The following CDC42SE2 variants were observed in gnomAD, a reference collection of about 807,000 sequenced individuals.
CDC42SE2 encodes the protein CDC42 small effector 2.
A neutral mutation model predicts 11.5 loss-of-function variants in CDC42SE2; 3 were observed. The observed-to-expected ratio is 0.26, with a 90% confidence interval of 0.12 to 0.67. The LOEUF (loss-of-function observed/expected upper bound fraction) is 0.67, where lower values mean the gene tolerates loss of function less well. CDC42SE2 is among the 30% of genes least tolerant of loss of function. CDC42SE2 has a pLI of 0.80. For missense variants in CDC42SE2, 82 were observed against 106.8 expected, an observed-to-expected ratio of 0.77 and a Z score of 1.02; for synonymous variants, 33 against 34.8, an observed-to-expected ratio of 0.95 and a Z score of 0.18.
At chr5:131,360,737 C>T (rs951648629) in intron 3 of CDC42SE2, among the ~76,000 whole-genome samples, 7 of 152,020 alleles carry the variant, frequency 4.6e-5, no homozygotes, top group Non-Finnish European at 8.8e-5. Flanking sequence ...TTTGTAACAA[C>T]GTAAGAGGAA....
the CDC42SE2 span, among the ~76,000 whole-genome samples, chr5:131,224,811 C>T: frequency 6.6e-5 from 10 of 151,608 alleles, no homozygotes; most frequent in Admixed American, 2.0e-4. Context: ...AAAGGGTGAC[C>T]GCAGCAGATG....
chr5:131,232,753 AAAC>A, the CDC42SE2 span, among the ~76,000 whole-genome samples: 19,974 of 131,614 alleles, frequency 0.15, 1,857 homozygotes, highest in African/African-American at 0.26. Flanking sequence ...AAAAAAAAAA[AAAC>A]AAAACAGAAA....
At chr5:131,215,851 T>A in the CDC42SE2 span, among the ~76,000 whole-genome samples, 1 of 152,268 alleles carries the variant, frequency 6.6e-6, no homozygotes, top group South Asian at 2.1e-4. Flanking sequence ...AAGATTTAAT[T>A]ACTTTCTCAC....
At chr5:131,329,507 C>T (rs1174488046) in intron 2 of CDC42SE2, among the ~76,000 whole-genome samples, 2 of 151,970 alleles carry the variant, frequency 1.3e-5, no homozygotes, top group African/African-American at 2.4e-5. Flanking sequence ...AAGATTTCCT[C>T]GAAGCACATA....
At chr5:131,248,327 A>G (rs1265388965) in intron 1 of CDC42SE2, among the ~76,000 whole-genome samples, 1 of 151,900 alleles carries the variant, frequency 6.6e-6, no homozygotes, top group Non-Finnish European at 1.5e-5. Flanking sequence ...TTTAGTAGAG[A>G]CGGGGTTTCA....
chr5:131,385,717 G>A lies in CDC42SE2; in HGVS notation c.156+73G>A, dbSNP rs989143410. On this transcript the variant is annotated intron_variant, in intron 4 of 4. Coordinates refer to ENST00000505065, the MANE Select transcript of CDC42SE2 (RefSeq NM_001375635.1). Reference sequence around the variant, plus strand: ...TATGAAACCTGTGTGACAGGCACAAGCATTTTTAATAGCATTATGCTAAAT... The same window carrying A: ...TATGAAACCTGTGTGACAGGCACAAACATTTTTAATAGCATTATGCTAAAT... The A allele has an allele frequency of 8.3e-6, 7 of 845,684 alleles. No individual in the cohort carries two copies. The African/African-American group carries it at 1.2e-4, about 14-fold the overall frequency. 52.4% of individuals were successfully genotyped at this position (845,684 alleles called of 1,614,324 possible).
intron 2 of CDC42SE2, among the ~76,000 whole-genome samples, chr5:131,330,737 G>A: frequency 6.6e-6 from 1 of 151,702 alleles, no homozygotes. Flanking sequence ...GCTGGGTGCA[G>A]TGGCTCATTC....
At chr5:131,372,742 G>A in intron 3 of CDC42SE2, among the ~76,000 whole-genome samples, 1 of 151,920 alleles carries the variant, frequency 6.6e-6, no homozygotes, top group South Asian at 2.1e-4. Flanking sequence ...GACAGATCCG[G>A]ATTTGAATTC....
At chr5:131,325,548 A>G (rs1040664261) in intron 2 of CDC42SE2, among the ~76,000 whole-genome samples, 7 of 150,654 alleles carry the variant, frequency 4.6e-5, no homozygotes, top group Non-Finnish European at 1.0e-4. Context: ...TAAACTTCCT[A>G]TTCATTCTGT....
chr5:131,358,099 C>T (rs981454584), intron 2 of CDC42SE2, among the ~76,000 whole-genome samples: 3 of 152,220 alleles, frequency 2.0e-5, no homozygotes, highest in Non-Finnish European at 4.4e-5. Flanking sequence ...GTTGAGCACA[C>T]TTTGCTTGTC....
At chr5:131,312,227 C>T (rs889867515) in intron 1 of CDC42SE2, among the ~76,000 whole-genome samples, 3 of 151,300 alleles carry the variant, frequency 2.0e-5, no homozygotes, top group Non-Finnish European at 4.4e-5. Flanking sequence ...TGTGCCCCTG[C>T]TGGGGGGTGC....
chr5:131,345,056 C>G (rs1191188315), intron 2 of CDC42SE2, among the ~76,000 whole-genome samples: 1 of 152,140 alleles, frequency 6.6e-6, no homozygotes, highest in African/African-American at 2.4e-5. Context: ...GAAACTAGAG[C>G]AGAAAATCTG....
At chr5:131,264,721 A>G (rs1756820280) in intron 1 of CDC42SE2, among the ~76,000 whole-genome samples, 1 of 152,136 alleles carries the variant, frequency 6.6e-6, no homozygotes, top group Non-Finnish European at 1.5e-5. Context: ...GCGGGAGCTG[A>G]GCTACTCTTA....
intron 2 of CDC42SE2, among the ~76,000 whole-genome samples, chr5:131,321,970 C>G (rs1029929593): frequency 1.3e-5 from 2 of 152,184 alleles, no homozygotes; most frequent in Admixed American, 1.3e-4. Context: ...CCTACCTCAG[C>G]CTCCCAAGTA....
At chr5:131,328,677 G>A (rs183026748) in intron 2 of CDC42SE2, among the ~76,000 whole-genome samples, 3 of 152,266 alleles carry the variant, frequency 2.0e-5, no homozygotes, top group African/African-American at 7.2e-5. Flanking sequence ...AAGTTGTTTA[G>A]TGAGTCATCC....
At chr5:131,258,890 C>T (rs1756701401) in intron 2 of CDC42SE2, among the ~76,000 whole-genome samples, 1 of 152,116 alleles carries the variant, frequency 6.6e-6, no homozygotes, top group African/African-American at 2.4e-5. Flanking sequence ...TGAATTTTTC[C>T]ACAGCACTCG....
chr5:131,239,605 T>C, the CDC42SE2 span, among the ~76,000 whole-genome samples: 1 of 152,230 alleles, frequency 6.6e-6, no homozygotes, highest in Non-Finnish European at 1.5e-5. Context: ...AGCTTCAGTG[T>C]AAAATTCATG....
the CDC42SE2 span, among the ~76,000 whole-genome samples, chr5:131,222,610 C>T: frequency 6.6e-6 from 1 of 152,220 alleles, no homozygotes; most frequent in Non-Finnish European, 1.5e-5. Context: ...TGCTGCTGCA[C>T]TTGCTTTTGT....
At chr5:131,278,584 T>C (rs1757151997) in intron 1 of CDC42SE2, among the ~76,000 whole-genome samples, 1 of 151,002 alleles carries the variant, frequency 6.6e-6, no homozygotes, top group African/African-American at 2.4e-5. Context: ...AAGCTACAAA[T>C]CAGGGGCCCT....
Sources: allele counts gnomAD v4.1 joint callset (sites outside exome capture counted in the v4.1 genomes callset), GRCh38; gene constraint gnomAD v4.1.1; transcripts MANE v1.5; gene names NCBI Gene and HGNC (gene_info 2026-07-23, HGNC 2026-07-21).